The following CALM2 variants were observed in gnomAD, a reference collection of about 807,000 sequenced individuals.
CALM2 encodes the protein calmodulin 2, also known as calmodulin-2.
A neutral mutation model predicts 19.8 loss-of-function variants in CALM2; 2 were observed. The ratio of observed to expected loss-of-function variants is 0.10; its 90% CI spans 0.04 to 0.32. The LOEUF is 0.32. Among genes scored for constraint, CALM2 ranks in the 10% least tolerant of loss-of-function variants. The pLI is 1.00. For synonymous variants in CALM2, 51 were observed against 52.1 expected (o/e 0.98, Z 0.09); for missense variants, 38 against 178.7 (o/e 0.21, Z 4.49).
intron 2 of CALM2, among the ~76,000 whole-genome samples, chr2:47,164,475 T>TA (rs1249722699): frequency 2.0e-5 from 3 of 151,662 alleles, no homozygotes; most frequent in African/African-American, 7.3e-5. Flanking sequence ...CGTGCGCCTG[T>TA]AGTCCCAGCT....
intron 1 of CALM2, chr2:47,172,476 TA>T: frequency 8.5e-7 from 1 of 1,179,248 alleles, no homozygotes; most frequent in Non-Finnish European, 1.1e-6. Context: ...AGTTAAATGA[TA>T]ACCATTATTT....
intron 2 of CALM2, among the ~76,000 whole-genome samples, chr2:47,165,508 G>C (rs1229520498): frequency 1.3e-5 from 2 of 151,900 alleles, no homozygotes; most frequent in African/African-American, 4.8e-5. Flanking sequence ...TCATTTTTTT[G>C]CAGCATCCAA....
At chr2:47,168,478 C>A (rs1191286781) in intron 2 of CALM2, among the ~76,000 whole-genome samples, 1 of 152,094 alleles carries the variant, frequency 6.6e-6, no homozygotes, top group Non-Finnish European at 1.5e-5. Context: ...GTGATTCACA[C>A]CTGTAATCCC....
chr2:47,160,841 G>T, intron 5 of CALM2, 37 bp from the exon 6 acceptor site: 3 of 481,360 alleles, frequency 6.2e-6, no homozygotes, highest in Non-Finnish European at 8.7e-6. Flanking sequence ...TGAGTCAATA[G>T]CAAAAGACCA....
chr2:47,168,432 A>G (rs1666558895), intron 2 of CALM2, among the ~76,000 whole-genome samples: 1 of 152,168 alleles, frequency 6.6e-6, no homozygotes, highest in Non-Finnish European at 1.5e-5. Context: ...ATGAACTACA[A>G]GTATTCTTTA....
upstream of CALM2, chr2:47,176,548 C>A: frequency 6.4e-7 from 1 of 1,562,476 alleles, no homozygotes. Flanking sequence ...TCATAAACAC[C>A]TCCCTCCGCC....
At chr2:47,176,521 C>T (rs780532843), upstream of CALM2, 21 of 1,596,496 alleles carry the variant, frequency 1.3e-5, no homozygotes, top group Admixed American at 1.7e-5. Context: ...TAATTCGCCT[C>T]CTCCGCCCCC....
chr2:47,171,303 C>G (rs1177422472), intron 1 of CALM2: 1 of 152,334 alleles, frequency 6.6e-6, no homozygotes, highest in Admixed American at 6.5e-5. Context: ...TCCATTTTCT[C>G]TTGGTTTTTA....
rs531335259 is a variant in CALM2 at position 47,168,022 on chromosome 2, A to T, written c.34+2712T>A. On this transcript the variant is annotated intron_variant, in intron 2 of 5. Coordinates refer to ENST00000272298, the MANE Select transcript of CALM2 (RefSeq NM_001743.6). ...CCAAATTTGGGAGGAAGGGACTTGG[A>T]GAGTAGGCAGAAATCTTAGGATAGT... is the stretch of plus-strand genomic sequence containing the variant. 2.6e-5 allele frequency among the ~76,000 whole-genome samples: 4 copies of T among 152,156 alleles called. No homozygotes were observed. In the South Asian group the frequency reaches 8.3e-4, roughly 32 times the overall value.
At chr2:47,170,959 A>T in intron 1 of CALM2, 195 bp from the exon 2 acceptor site, 1 of 567,126 alleles carries the variant, frequency 1.8e-6, no homozygotes, top group Non-Finnish European at 3.2e-6. Context: ...TCCAAGTTTA[A>T]GATATACAAA....
rs1666876411 is a variant in CALM2, at chr2:47,176,474, A to T, written c.-31T>A. Reference sequence around the variant, plus strand: ...AAGCGCTACCGGTTTCCGAGACGCGACCACACAACCACTCAGCTCGCTCTC... The same window carrying T: ...AAGCGCTACCGGTTTCCGAGACGCGTCCACACAACCACTCAGCTCGCTCTC... On this transcript the variant is annotated 5_prime_UTR_variant, in exon 1 of 6. Coordinates refer to ENST00000272298, the MANE Select transcript of CALM2 (RefSeq NM_001743.6). 4 of 1,613,400 alleles carry T rather than the reference A, an allele frequency of 2.5e-6. No homozygotes were observed. The highest frequency in any genetic ancestry group is 3.4e-6 in the Non-Finnish European group (4 of 1,179,906).
chr2:47,169,574 T>G (rs1177545533), intron 2 of CALM2, among the ~76,000 whole-genome samples: 3 of 152,198 alleles, frequency 2.0e-5, no homozygotes, highest in African/African-American at 7.2e-5. Flanking sequence ...ATACATGTAA[T>G]TTACCAACCT....
At chr2:47,169,808 C>T (rs1290646855) in intron 2 of CALM2, among the ~76,000 whole-genome samples, 4 of 152,038 alleles carry the variant, frequency 2.6e-5, no homozygotes, top group Non-Finnish European at 5.9e-5. Context: ...CAGTTTTCTC[C>T]AGCCTAAGAA....
At chr2:47,167,814 C>CTTTTTTTTTTTTTTTTTTTTTTTTT in intron 2 of CALM2, 6 of 96,522 alleles carry the variant, frequency 6.2e-5, no homozygotes, top group African/African-American at 2.8e-4. Flanking sequence ...TTTTTCTTTT[C>CTTTTTTTTTTTTTTTTTTTTTTTTT]TTTGAGACAG....
chr2:47,175,084 T>TA, intron 1 of CALM2, among the ~76,000 whole-genome samples: 1 of 129,964 alleles, frequency 7.7e-6, no homozygotes, highest in African/African-American at 3.9e-5. Flanking sequence ...ATTAGGTGTT[T>TA]TTTTTTTTTT....
At chr2:47,165,195 T>G (rs1434861251) in intron 2 of CALM2, among the ~76,000 whole-genome samples, 1 of 152,234 alleles carries the variant, frequency 6.6e-6, no homozygotes, top group Non-Finnish European at 1.5e-5. Flanking sequence ...CATGCTTCAA[T>G]GTGAAGCCAT....
At chr2:47,162,201 C>CA in intron 4 of CALM2, 85 bp downstream of exon 4, 2 of 131,162 alleles carry the variant, frequency 1.5e-5, no homozygotes, top group Admixed American at 1.4e-4. Flanking sequence ...AAAAAAAAAA[C>CA]AACCAAAAAA....
In CALM2 at chr2:47,161,629, G is replaced by GGGA. The variant is rs1573213887; in HGVS notation, c.421+91_421+93dup. The GGGA allele has an allele frequency of 2.3e-5, 27 of 1,186,558 alleles. No homozygotes were observed. In the East Asian group the frequency reaches 6.7e-4, roughly 29 times the overall value. 73.5% of individuals were successfully genotyped at this position (1,186,558 alleles called of 1,614,324 possible). The stretch of plus-strand genomic sequence containing the variant: ...AACTGTTTTAGCAACCTAATTTCAG[G>GGGA]GGAAGGGTCACTAATTTCGATCAGT... On this transcript the variant is annotated intron_variant, in intron 5 of 5. Coordinates refer to ENST00000272298, the MANE Select transcript of CALM2 (RefSeq NM_001743.6).
chr2:47,162,171 CAAAAAAAAAAAAAAAA>C (rs56839340), intron 4 of CALM2, 99 bp downstream of exon 4: 3,261 of 130,168 alleles, frequency 0.025, 48 homozygotes, highest in Non-Finnish European at 0.036. Flanking sequence ...GGTAAATCAT[CAAAAAAAAAAAAAAAA>C]AAAAAAAAAA....
Sources: allele counts gnomAD v4.1 joint callset (sites outside exome capture counted in the v4.1 genomes callset), GRCh38; gene constraint gnomAD v4.1.1; transcripts MANE v1.5; gene names NCBI Gene and HGNC (gene_info 2026-07-23, HGNC 2026-07-21).